SEL1L3: variants seen among roughly 807,000 people sequenced by gnomAD.
The protein encoded by SEL1L3 is SEL1L family member 3, also known as protein sel-1 homolog 3.
In SEL1L3, 76 loss-of-function variants were observed where a neutral mutation model predicts 142.8. That is an observed-to-expected ratio of 0.53 (90% confidence interval 0.44 to 0.64). The LOEUF (loss-of-function observed/expected upper bound fraction) is 0.64. Among genes scored for constraint, SEL1L3 ranks in the 30% least tolerant of loss-of-function variants. The probability of loss-of-function intolerance (pLI) is 0.00; values close to 1 mark genes in which losing one functional copy is unlikely to be tolerated. For synonymous variants in SEL1L3, 504 were observed against 519.6 expected (o/e 0.97, Z 0.41); for missense variants, 1,262 against 1,381.7 (o/e 0.91, Z 1.37).
At chr4:25,755,030 G>A (rs1172781157) in intron 23 of SEL1L3, among the ~76,000 whole-genome samples, 1 of 152,128 alleles carries the variant, frequency 6.6e-6, no homozygotes, top group Non-Finnish European at 1.5e-5. Flanking sequence ...GTATTGTGAT[G>A]CTGAAAAGAA....
the SEL1L3 span, among the ~76,000 whole-genome samples, chr4:25,716,175 GA>G: frequency 1.5e-4 from 23 of 149,484 alleles, no homozygotes; most frequent in Admixed American, 8.7e-4. Flanking sequence ...AAATCAATAA[GA>G]AAAAAAAATC....
chr4:25,822,873 G>A (rs1448164543), intron 6 of SEL1L3, among the ~76,000 whole-genome samples: 7 of 152,220 alleles, frequency 4.6e-5, no homozygotes, highest in South Asian at 2.1e-4. Context: ...GTCTGTCAGC[G>A]GGGACTGGCC....
rs117348291 is a variant in SEL1L3 at position 25,842,203 on chromosome 4, T to G, written c.733+5091A>C. On this transcript the variant is annotated intron_variant, in intron 2 of 23. Transcript: ENST00000399878. ...TAGGAGCAGTACCAACACAGCATTC[T>G]GATGGCCAGCATTTATGAAGTTAAT... Among the ~76,000 whole-genome samples, 9 of 151,848 alleles carry G rather than the reference T, an allele frequency of 5.9e-5. No individual in the cohort carries two copies. The East Asian group carries it at 1.7e-3, about 29-fold the overall frequency.
chr4:25,788,266 C>T lies in SEL1L3; in HGVS notation c.2175G>A (p.Glu725=), dbSNP rs763479910. Residue 725 remains glutamate, a synonymous_variant, in exon 13 of 24, where the codon GAG becomes GAA. Transcript: ENST00000399878. The surrounding 1 kb of genome is among the most constrained non-coding windows in gnomAD (Gnocchi z 5.3). ...EWYAKGALET[E]DPALIYDYAI... ...CATAGTCATAGATTAACGCAGGATCCTCCGTCTCCAGGGCGCCCTTGGCGT... is the reference window on the plus strand; with the variant it reads ...CATAGTCATAGATTAACGCAGGATCTTCCGTCTCCAGGGCGCCCTTGGCGT... 2 of 1,613,962 alleles carry T rather than the reference C, an allele frequency of 1.2e-6. No individual in the cohort carries two copies. The highest frequency in any genetic ancestry group is 8.5e-7 in the Non-Finnish European group (1 of 1,179,874).
At position 25,847,422 on chromosome 4, in the gene SEL1L3, T is replaced by A. The variant is rs746521076; in HGVS notation, c.605A>T (p.Tyr202Phe). 3 of 1,613,892 alleles carry A rather than the reference T, an allele frequency of 1.9e-6. No homozygotes were observed. The highest frequency in any genetic ancestry group is 2.7e-5 in the African/African-American group (2 of 74,940). ...AGGCGGGATGGTCTGCAGGAGGGTA[T>A]AATTCTTTGCTACAGCATGGAGCAA... is the stretch of plus-strand genomic sequence containing the variant. ...ENLLHAVAKNYTLLQTIPPFE... is the reference protein window; with the variant it reads ...ENLLHAVAKNFTLLQTIPPFE... Residue 202 changes from tyrosine to phenylalanine, a missense_variant, in exon 2 of 24, where the codon TAT becomes TTT. Around this residue, in one of 3 missense-constraint regions of SEL1L3, gnomAD observed 689 missense variants for 692.8 expected, o/e 0.99. Transcript: ENST00000399878.
intron 17 of SEL1L3, among the ~76,000 whole-genome samples, chr4:25,771,486 C>T (rs1033663759): frequency 6.6e-6 from 1 of 152,044 alleles, no homozygotes; most frequent in African/African-American, 2.4e-5. Flanking sequence ...ATTTGAGTAC[C>T]CCTGAGCAGT....
the SEL1L3 span, among the ~76,000 whole-genome samples, chr4:25,721,398 G>A: frequency 6.6e-4 from 100 of 151,864 alleles, no homozygotes; most frequent in Middle Eastern, 6.8e-3. Flanking sequence ...GCTCTTTTGC[G>A]TTTGTTTTCA....
chr4:25,750,512 G>C (rs1384766382), intron 23 of SEL1L3, among the ~76,000 whole-genome samples: 2 of 152,154 alleles, frequency 1.3e-5, no homozygotes, highest in Non-Finnish European at 2.9e-5. Flanking sequence ...GGTATACAGG[G>C]GAAAACCCTA....
the SEL1L3 span, among the ~76,000 whole-genome samples, chr4:25,716,929 C>A: frequency 1.3e-5 from 2 of 152,060 alleles, no homozygotes; most frequent in Non-Finnish European, 2.9e-5. Flanking sequence ...GAGTTCGAGA[C>A]CAGCCTGGTC....
chr4:25,770,400 G>C (rs1158771241), intron 17 of SEL1L3: 2 of 152,094 alleles, frequency 1.3e-5, no homozygotes, highest in African/African-American at 4.8e-5. Flanking sequence ...CCATCAGAAA[G>C]AGATGTCTAA....
At chr4:25,791,051 A>C (rs532475958) in intron 11 of SEL1L3, among the ~76,000 whole-genome samples, 2 of 152,262 alleles carry the variant, frequency 1.3e-5, no homozygotes, top group Non-Finnish European at 2.9e-5. Flanking sequence ...TTATTTCCAC[A>C]TCTACTTCTA....
intron 17 of SEL1L3, among the ~76,000 whole-genome samples, chr4:25,772,892 G>C (rs1454732574): frequency 6.6e-6 from 1 of 152,118 alleles, no homozygotes; most frequent in Non-Finnish European, 1.5e-5. Flanking sequence ...CCACCTCCTG[G>C]GTTCAAGCAA....
At position 25,804,620 on chromosome 4, in the gene SEL1L3, CA is replaced by C; in HGVS notation, c.1696del (p.Cys566AlafsTer19). 1 of 1,613,936 alleles carries C rather than the reference CA, an allele frequency of 6.2e-7. No homozygotes were observed. Among genetic ancestry groups the C allele is most frequent in the Non-Finnish European group, 8.5e-7 (1 of 1,179,802 alleles). Reference sequence around the variant, plus strand: ...GTAGGATGCTTTATGGTATCCACAGCAGCTGGAATCCGTCAGAAAGGGGACG... The same window carrying C: ...GTAGGATGCTTTATGGTATCCACAGCGCTGGAATCCGTCAGAAAGGGGACG... ...SIVPFLTDSS[C>X]CGYHKASYYL... On this transcript the variant is annotated frameshift_variant, in exon 10 of 24. Transcript: ENST00000399878. LOFTEE classifies it high-confidence loss of function.
intron 11 of SEL1L3, among the ~76,000 whole-genome samples, chr4:25,796,384 G>A (rs1007147589): frequency 3.9e-5 from 6 of 151,944 alleles, no homozygotes; most frequent in African/African-American, 9.7e-5. Context: ...CACTTGAGCC[G>A]AGAAGTTTGA....
rs184672979 is a variant in SEL1L3, at chr4:25,837,784, T to C, written c.734-2461A>G. On this transcript the variant is annotated intron_variant, in intron 2 of 23. Coordinates refer to ENST00000399878, the MANE Select transcript of SEL1L3 (RefSeq NM_015187.5). ...TATAGGATATGTTATTTATCCTATA[T>C]GTTATTTATCAGGATAACATATAGA... Among the ~76,000 whole-genome samples the C allele has an allele frequency of 3.3e-3, 503 of 152,316 alleles. 5 individuals are homozygous for C. Among genetic ancestry groups the C allele is most frequent in the African/African-American group, 0.012 (479 of 41,564 alleles).
At chr4:25,845,166 G>A (rs573205439) in intron 2 of SEL1L3, among the ~76,000 whole-genome samples, 73 of 152,306 alleles carry the variant, frequency 4.8e-4, no homozygotes, top group African/African-American at 1.6e-3. Context: ...ATGAGGAAGC[G>A]GGGGTGAGGA....
the SEL1L3 span, among the ~76,000 whole-genome samples, chr4:25,727,441 T>A: frequency 6.6e-6 from 1 of 152,206 alleles, no homozygotes. Flanking sequence ...GAAGGCATTG[T>A]CTCCAATGTA....
chr4:25,755,319 T>G (rs1443806119), intron 23 of SEL1L3, among the ~76,000 whole-genome samples: 1 of 151,910 alleles, frequency 6.6e-6, no homozygotes, highest in Non-Finnish European at 1.5e-5. Flanking sequence ...CCCAGGTTGG[T>G]CTCAAACCCC....
Position 25,828,393 on chromosome 4 carries a change from T to G in SEL1L3, c.1157+1705A>C, listed in dbSNP as rs192302604. ...GCATTTCTTTTCTTATCTTTTCGTT[T>G]TTTTTTTTTTGTTAAGATAGAGTAT... is the stretch of plus-strand genomic sequence containing the variant. On this transcript the variant is annotated intron_variant, in intron 6 of 23. Coordinates refer to ENST00000399878, the MANE Select transcript of SEL1L3 (RefSeq NM_015187.5). Among the ~76,000 whole-genome samples, 580 of 151,596 alleles carry G rather than the reference T, an allele frequency of 3.8e-3. 7 individuals carry two copies. The highest frequency in any genetic ancestry group is 0.013 in the African/African-American group (553 of 41,386).
Sources: gnomAD v4.1 joint callset for allele counts (sites outside exome capture counted in the v4.1 genomes callset) on GRCh38, gnomAD v4.1.1 for gene constraint, gnomAD v4.1.1 regional missense constraint, Gnocchi (gnomAD v3.1) non-coding constraint, MANE v1.5 for transcripts, NCBI Gene and HGNC (gene_info 2026-07-23, HGNC 2026-07-21) for gene names.